SLC10A7: variants seen among roughly 807,000 people sequenced by gnomAD.
SLC10A7 encodes solute carrier family 10 member 7, also known as sodium/bile acid cotransporter 7.
SLC10A7 carries 29 observed loss-of-function variants against 43.2 expected under a neutral mutation model. The ratio of observed to expected loss-of-function variants is 0.67; its 90% CI spans 0.50 to 0.92. The LOEUF is 0.92. SLC10A7 is among the 40% of genes least tolerant of loss of function. The pLI, the probability that SLC10A7 is intolerant of heterozygous loss-of-function variation, is 0.00. For missense variants in SLC10A7, 295 were observed against 403.2 expected (o/e 0.73, Z 2.30); for synonymous variants, 152 against 144.8 (o/e 1.05, Z -0.35).
At chr4:146,432,645 G>A (rs938845569) in intron 5 of SLC10A7, among the ~76,000 whole-genome samples, 1 of 152,148 alleles carries the variant, frequency 6.6e-6, no homozygotes, top group Non-Finnish European at 1.5e-5. Flanking sequence ...CAGGTGATGG[G>A]AATATTATCT....
intron 3 of SLC10A7, among the ~76,000 whole-genome samples, chr4:146,507,887 G>A (rs1737069514): frequency 1.3e-5 from 2 of 152,196 alleles, no homozygotes; most frequent in South Asian, 2.1e-4. Flanking sequence ...AGTGAATTAC[G>A]GTAAGTGTAC....
chr4:146,269,812 G>A (rs1028716298), intron 10 of SLC10A7, among the ~76,000 whole-genome samples: 1 of 152,184 alleles, frequency 6.6e-6, no homozygotes, highest in Non-Finnish European at 1.5e-5. Flanking sequence ...TCCCTAAAAG[G>A]CTGCATTGAT....
intron 5 of SLC10A7, among the ~76,000 whole-genome samples, chr4:146,340,492 T>C (rs1367745720): frequency 6.6e-6 from 1 of 151,134 alleles, no homozygotes; most frequent in African/African-American, 2.4e-5. Flanking sequence ...AATATATATA[T>C]ACACATATAC....
intron 5 of SLC10A7, among the ~76,000 whole-genome samples, chr4:146,375,863 G>A (rs1359049831): frequency 1.3e-5 from 2 of 152,068 alleles, no homozygotes; most frequent in African/African-American, 4.8e-5. Flanking sequence ...ACAGGTTGAA[G>A]GCTCAGTCCC....
chr4:146,444,184 T>C (rs1730840144), intron 4 of SLC10A7, among the ~76,000 whole-genome samples: 1 of 152,224 alleles, frequency 6.6e-6, no homozygotes, highest in Non-Finnish European at 1.5e-5. Flanking sequence ...AATAAATTAG[T>C]TGTGGTGACA....
chr4:146,305,125 C>T (rs994276933), intron 7 of SLC10A7, among the ~76,000 whole-genome samples: 56 of 150,666 alleles, frequency 3.7e-4, no homozygotes, highest in Admixed American at 2.6e-3. Flanking sequence ...CACATGCACA[C>T]GTATGTTTAT....
At chr4:146,330,086 T>C (rs1733428225) in intron 5 of SLC10A7, among the ~76,000 whole-genome samples, 1 of 152,198 alleles carries the variant, frequency 6.6e-6, no homozygotes, top group Admixed American at 6.5e-5. Context: ...TGGCTTTCGT[T>C]GTCTCCTGAA....
chr4:146,313,227 C>G (rs1037552368), intron 6 of SLC10A7, among the ~76,000 whole-genome samples: 3 of 152,140 alleles, frequency 2.0e-5, no homozygotes, highest in African/African-American at 7.2e-5. Flanking sequence ...AGGGAAAAGC[C>G]TGGCTAGGAC....
At chr4:146,406,384 A>G (rs544900205) in intron 5 of SLC10A7, among the ~76,000 whole-genome samples, 3 of 152,144 alleles carry the variant, frequency 2.0e-5, no homozygotes, top group South Asian at 2.1e-4. Context: ...ATCGCTGAAT[A>G]CCTAATATAT....
chr4:146,424,968 A>G (rs1729234436), intron 5 of SLC10A7, among the ~76,000 whole-genome samples: 1 of 152,218 alleles, frequency 6.6e-6, no homozygotes, highest in South Asian at 2.1e-4. Flanking sequence ...TCATTAAAAA[A>G]AGTTCTGGCT....
intron 4 of SLC10A7, among the ~76,000 whole-genome samples, chr4:146,470,235 A>G (rs917722440): frequency 2.0e-5 from 3 of 152,126 alleles, no homozygotes; most frequent in African/African-American, 4.8e-5. Context: ...CTTAAGAACT[A>G]TTGTTCAAAT....
In SLC10A7 at chr4:146,521,874, G is replaced by T. The variant is rs187466895; in HGVS notation, c.-157C>A. 6 of 620,358 alleles carry T rather than the reference G, an allele frequency of 9.7e-6. No individual in the cohort carries two copies. The Admixed American group carries it at 1.8e-4, about 18-fold the overall frequency. 38.4% of individuals were successfully genotyped at this position (620,358 alleles called of 1,614,324 possible). A position where few individuals can be genotyped will look rare whatever the true frequency, so the allele number is the denominator to read the frequency against. ...CCGATTGTAAAGTAAAGACCTGGGGGTTGCTCCGGCGGCTTTGAGGAGGGT... is the reference window on the plus strand; with the variant it reads ...CCGATTGTAAAGTAAAGACCTGGGGTTTGCTCCGGCGGCTTTGAGGAGGGT... On this transcript the variant is annotated 5_prime_UTR_variant, in exon 1 of 12. Transcript: ENST00000335472.
intron 4 of SLC10A7, among the ~76,000 whole-genome samples, chr4:146,491,972 C>A (rs935651774): frequency 6.6e-6 from 1 of 152,104 alleles, no homozygotes; most frequent in South Asian, 2.1e-4. Flanking sequence ...AATCCCAGCA[C>A]TTTGGGAGGC....
At chr4:146,339,768 T>C (rs1051065493) in intron 5 of SLC10A7, among the ~76,000 whole-genome samples, 1 of 152,020 alleles carries the variant, frequency 6.6e-6, no homozygotes, top group Admixed American at 6.6e-5. Flanking sequence ...TCCTCACTTC[T>C]ACTGACATGT....
At chr4:146,357,239 G>A (rs892221189) in intron 5 of SLC10A7, among the ~76,000 whole-genome samples, 2 of 152,174 alleles carry the variant, frequency 1.3e-5, no homozygotes, top group African/African-American at 4.8e-5. Context: ...ATAATGTAAA[G>A]CAGGTAACAT....
intron 4 of SLC10A7, among the ~76,000 whole-genome samples, chr4:146,485,557 G>C (rs1459342273): frequency 6.6e-6 from 1 of 152,158 alleles, no homozygotes; most frequent in African/African-American, 2.4e-5. Flanking sequence ...GTAATCTCCT[G>C]TCCTAGAAGA....
intron 5 of SLC10A7, chr4:146,408,760 C>T (rs960443219): frequency 2.0e-5 from 3 of 151,960 alleles, no homozygotes; most frequent in Non-Finnish European, 2.9e-5. Flanking sequence ...TAATTCTCAG[C>T]TTTGTAGGAA....
At chr4:146,271,396 T>C (rs1728884427) in intron 10 of SLC10A7, among the ~76,000 whole-genome samples, 2 of 152,160 alleles carry the variant, frequency 1.3e-5, no homozygotes, top group Non-Finnish European at 2.9e-5. Flanking sequence ...TCACCAGCAA[T>C]TCCTATTAGT....
chr4:146,393,077 A>AG lies in SLC10A7; in HGVS notation c.435+49705dup, dbSNP rs1738557566. Among the ~76,000 whole-genome samples, 2 of 148,554 alleles carry AG rather than the reference A, an allele frequency of 1.3e-5. 1 individual carries two copies. Among genetic ancestry groups the AG allele is most frequent in the South Asian group, 4.3e-4 (2 of 4,648 alleles). ...AAGTCAATTGTGTCCCAGCTATTGCAGGGTGGTGGGTGGCTGAGGTGGAAT... is the reference window on the plus strand; with the variant it reads ...AAGTCAATTGTGTCCCAGCTATTGCAGGGGTGGTGGGTGGCTGAGGTGGAAT... On this transcript the variant is annotated intron_variant, in intron 5 of 11. Transcript: ENST00000335472.
Sources: allele counts gnomAD v4.1 joint callset (sites outside exome capture counted in the v4.1 genomes callset), GRCh38; gene constraint gnomAD v4.1.1; transcripts MANE v1.5; gene names NCBI Gene and HGNC (gene_info 2026-07-23, HGNC 2026-07-21).